Variants in NAALADL2 observed in about 807,000 individuals in gnomAD.
NAALADL2 encodes inactive N-acetylated-alpha-linked acidic dipeptidase-like protein 2.
A neutral mutation model predicts 87.2 loss-of-function variants in NAALADL2; 76 were observed. That is an observed-to-expected ratio of 0.87 (90% confidence interval 0.72 to 1.05). The LOEUF (loss-of-function observed/expected upper bound fraction) is 1.05, where lower values mean the gene tolerates loss of function less well. NAALADL2 is among the 50% of genes least tolerant of loss of function. The pLI, the probability that NAALADL2 is intolerant of heterozygous loss-of-function variation, is 0.00. For missense variants in NAALADL2, 1,089 were observed against 945.8 expected, an observed-to-expected ratio of 1.15 and a Z score of -1.99; for synonymous variants, 354 against 331.0, an observed-to-expected ratio of 1.07 and a Z score of -0.75.
intron 11 of NAALADL2, among the ~76,000 whole-genome samples, chr3:175,714,043 C>A (rs914742671): frequency 1.1e-4 from 17 of 152,110 alleles, no homozygotes; most frequent in African/African-American, 4.1e-4. Context: ...ACCCATGTTT[C>A]TACAAAGGAC....
intron 2 of NAALADL2, among the ~76,000 whole-genome samples, chr3:174,716,179 A>T (rs1731165589): frequency 1.3e-5 from 2 of 152,152 alleles, no homozygotes; most frequent in Admixed American, 1.3e-4. Flanking sequence ...ATTGGGAAAG[A>T]TCATATTCTC....
intron 1 of NAALADL2, among the ~76,000 whole-genome samples, chr3:175,093,396 G>A (rs1324735945): frequency 1.9e-5 from 2 of 104,802 alleles, no homozygotes; most frequent in Admixed American, 9.7e-5. Context: ...TTCTTTTTTT[G>A]TTGAGTTCAT....
chr3:175,685,448 AGGTGTGTG>A (rs1381816951), intron 11 of NAALADL2, among the ~76,000 whole-genome samples: 1 of 114,258 alleles, frequency 8.8e-6, no homozygotes, highest in East Asian at 2.4e-4. Flanking sequence ...AACCAACAGG[AGGTGTGTG>A]TGTGTGTGTG....
chr3:174,691,742 C>T (rs1318637883), intron 2 of NAALADL2, among the ~76,000 whole-genome samples: 1 of 152,170 alleles, frequency 6.6e-6, no homozygotes, highest in East Asian at 1.9e-4. Flanking sequence ...CTGTCTGCTG[C>T]TTTAAAAAGT....
chr3:174,548,051 A>G (rs1352549559), intron 1 of NAALADL2, among the ~76,000 whole-genome samples: 2 of 152,250 alleles, frequency 1.3e-5, no homozygotes, highest in African/African-American at 2.4e-5. Context: ...ATGTATCAAC[A>G]GCTTTTAAAA....
At chr3:175,008,111 C>G (rs1579986596) in intron 1 of NAALADL2, among the ~76,000 whole-genome samples, 2 of 152,126 alleles carry the variant, frequency 1.3e-5, no homozygotes, top group Non-Finnish European at 2.9e-5. Flanking sequence ...GGTGCAGTCT[C>G]TCATGCCTAT....
intron 5 of NAALADL2, among the ~76,000 whole-genome samples, chr3:175,371,809 A>G (rs1455800076): frequency 6.7e-6 from 1 of 148,706 alleles, no homozygotes; most frequent in Non-Finnish European, 1.5e-5. Context: ...GGACAACTCC[A>G]TCTATTAAAA....
chr3:174,529,150 A>G (rs1467844590), intron 1 of NAALADL2, among the ~76,000 whole-genome samples: 1 of 152,260 alleles, frequency 6.6e-6, no homozygotes, highest in Non-Finnish European at 1.5e-5. Flanking sequence ...CAATAGGAGT[A>G]TAAGAATGAG....
intron 2 of NAALADL2, among the ~76,000 whole-genome samples, chr3:175,220,978 C>T (rs535575344): frequency 6.6e-6 from 1 of 152,122 alleles, no homozygotes; most frequent in East Asian, 1.9e-4. Flanking sequence ...GGGCAGATCA[C>T]CTGAGGACAG....
intron 10 of NAALADL2, among the ~76,000 whole-genome samples, chr3:175,583,474 C>A (rs1720086247): frequency 7.4e-6 from 1 of 135,314 alleles, no homozygotes; most frequent in Non-Finnish European, 1.5e-5. Context: ...TTACGACAAT[C>A]TGAAAGGATG....
intron 1 of NAALADL2, among the ~76,000 whole-genome samples, chr3:175,066,591 G>A (rs1043285796): frequency 6.6e-6 from 1 of 152,098 alleles, no homozygotes; most frequent in Non-Finnish European, 1.5e-5. Context: ...ACCCTGAATG[G>A]CTTATGGTGA....
intron 13 of NAALADL2, among the ~76,000 whole-genome samples, chr3:175,772,082 G>A (rs1265417464): frequency 2.6e-5 from 4 of 152,056 alleles, no homozygotes; most frequent in Admixed American, 6.6e-5. Flanking sequence ...CAGCCAAACC[G>A]TATCAACATC....
intron 3 of NAALADL2, among the ~76,000 whole-genome samples, chr3:174,760,946 C>T (rs540852656): frequency 1.7e-4 from 26 of 152,250 alleles, no homozygotes; most frequent in African/African-American, 6.3e-4. Context: ...TTTGGGCAAA[C>T]CTAGTATGTG....
Position 175,097,118 on chromosome 3 carries a change from C to A in NAALADL2, c.372C>A (p.His124Gln), listed in dbSNP as rs993923083. 6.2e-6 allele frequency: 10 copies of A among 1,613,540 alleles called. No homozygotes were observed. The East Asian group carries it at 1.6e-4, about 25-fold the overall frequency. ...APKSNRCNFC[H>Q]VLKILCTATI... The stretch of plus-strand genomic sequence containing the variant: ...AGAGCAATCGCTGCAACTTTTGCCA[C>A]GTCTTAAAAATACTTTGCACAGCCA... The change falls in exon 2 of 14, where the codon CAC becomes CAA. Residue 124 changes from histidine (H) to glutamine (Q), a missense_variant. By Grantham distance (24) the His-to-Gln change is conservative. Transcript: ENST00000454872.
chr3:175,654,238 A>T (rs574113320), intron 11 of NAALADL2, among the ~76,000 whole-genome samples: 1 of 151,898 alleles, frequency 6.6e-6, no homozygotes, highest in African/African-American at 2.4e-5. Context: ...TTTTTGTGGC[A>T]TTTTCTTTTT....
chr3:175,243,620 G>C (rs77716875), intron 3 of NAALADL2, among the ~76,000 whole-genome samples: 9,723 of 131,214 alleles, frequency 0.074, 465 homozygotes, highest in African/African-American at 0.15. Flanking sequence ...CAATGGACTA[G>C]ATTGCCAATT....
At chr3:175,760,398 G>GA in intron 13 of NAALADL2, among the ~76,000 whole-genome samples, 1 of 152,262 alleles carries the variant, frequency 6.6e-6, no homozygotes, top group East Asian at 1.9e-4. Flanking sequence ...TGAGTAAGGG[G>GA]AGAGGGAAAG....
chr3:174,504,873 A>G (rs1719108142), intron 1 of NAALADL2, among the ~76,000 whole-genome samples: 1 of 152,138 alleles, frequency 6.6e-6, no homozygotes, highest in South Asian at 2.1e-4. Context: ...CATCTCGTAT[A>G]GAGAAGTGTT....
chr3:174,490,347 T>C (rs538233452), intron 1 of NAALADL2, among the ~76,000 whole-genome samples: 3 of 152,192 alleles, frequency 2.0e-5, no homozygotes, highest in Admixed American at 2.0e-4. Flanking sequence ...ATGTCCAGAA[T>C]TGGTAAATGT....
Sources: gnomAD v4.1 joint callset for allele counts (sites outside exome capture counted in the v4.1 genomes callset) on GRCh38, gnomAD v4.1.1 for gene constraint, MANE v1.5 for transcripts, NCBI Gene and HGNC (gene_info 2026-07-23, HGNC 2026-07-21) for gene names.